The following TSHZ2 variants were observed in gnomAD, a reference collection of about 807,000 sequenced individuals.
The protein encoded by TSHZ2 is teashirt homolog 2.
In TSHZ2, 21 loss-of-function variants were observed where a neutral mutation model predicts 74.4. The observed-to-expected ratio is 0.28, with a 90% CI of 0.20 to 0.41. The LOEUF is 0.41. Among genes scored for constraint, TSHZ2 ranks in the 10% least tolerant of loss-of-function variants. The pLI is 1.00. For synonymous variants in TSHZ2, 540 were observed against 515.3 expected (o/e 1.05, Z -0.65); for missense variants, 1,244 against 1,293.5 (o/e 0.96, Z 0.59).
At chr20:53,054,445 T>C (rs1984574695) in intron 1 of TSHZ2, among the ~76,000 whole-genome samples, 1 of 152,248 alleles carries the variant, frequency 6.6e-6, no homozygotes, top group South Asian at 2.1e-4. Flanking sequence ...GGAAGGTAGC[T>C]TGTGCTATGA....
chr20:53,437,344 G>A (rs1390267502), intron 2 of TSHZ2, among the ~76,000 whole-genome samples: 2 of 152,106 alleles, frequency 1.3e-5, no homozygotes, highest in African/African-American at 2.4e-5. Context: ...ATGGTGGCAG[G>A]TGCCTGTGAT....
intron 2 of TSHZ2, among the ~76,000 whole-genome samples, chr20:53,260,147 G>A (rs992285727): frequency 6.6e-5 from 10 of 151,602 alleles, no homozygotes; most frequent in African/African-American, 2.2e-4. Flanking sequence ...ACTATGCACC[G>A]GACTCTATTA....
Position 53,321,697 on chromosome 20 carries a change from A to AAAAAAAAAAAG in TSHZ2, c.*8+65129_*8+65130insAAAAAAAGAAA, listed in dbSNP as rs1555850300. On this transcript the variant is annotated intron_variant, in intron 2 of 2. Transcript: ENST00000371497. ...AGACTCCATCTCAAAAAAAAAAAAA[A>AAAAAAAAAAAG]AAAGAAAGACATTCCTAAGCCAGCA... Among the ~76,000 whole-genome samples the AAAAAAAAAAAG allele has an allele frequency of 2.8e-4, 40 of 140,542 alleles. 1 individual carries two copies. The highest frequency in any genetic ancestry group is 6.1e-4 in the African/African-American group (22 of 36,086). 92.2% of individuals were successfully genotyped at this position (140,542 alleles called of 152,430 possible). A position where few individuals can be genotyped will look rare whatever the true frequency, so the allele number is the denominator to read the frequency against.
chr20:53,008,691 A>G (rs1176516738), intron 1 of TSHZ2, among the ~76,000 whole-genome samples: 1 of 152,142 alleles, frequency 6.6e-6, no homozygotes, highest in African/African-American at 2.4e-5. Flanking sequence ...GGAATTTTAG[A>G]GGAAAAGTAG....
chr20:53,235,005 G>T (rs758268083), intron 1 of TSHZ2, among the ~76,000 whole-genome samples: 4 of 151,912 alleles, frequency 2.6e-5, no homozygotes, highest in Non-Finnish European at 5.9e-5. Context: ...GGCATGAGAG[G>T]TGCCCAGTTG....
At chr20:53,354,639 GA>G (rs1356904095) in intron 2 of TSHZ2, among the ~76,000 whole-genome samples, 2 of 152,138 alleles carry the variant, frequency 1.3e-5, no homozygotes, top group Non-Finnish European at 2.9e-5. Flanking sequence ...TAGTCACAGA[GA>G]AATTCCGAGA....
intron 1 of TSHZ2, among the ~76,000 whole-genome samples, chr20:53,231,150 C>T (rs995802591): frequency 4.6e-5 from 7 of 152,170 alleles, no homozygotes; most frequent in African/African-American, 7.2e-5. Flanking sequence ...CAAATGCCTT[C>T]AGCCCTAGAC....
chr20:53,011,974 G>A (rs1464252596), intron 1 of TSHZ2, among the ~76,000 whole-genome samples: 1 of 152,128 alleles, frequency 6.6e-6, no homozygotes, highest in African/African-American at 2.4e-5. Context: ...ATGAGAAAAG[G>A]GAAGCACAGA....
At chr20:53,251,232 T>G (rs532680578) in intron 1 of TSHZ2, among the ~76,000 whole-genome samples, 2 of 152,322 alleles carry the variant, frequency 1.3e-5, no homozygotes, top group South Asian at 4.1e-4. Context: ...TGACCCAGCG[T>G]ATGTTCCAGA....
intron 1 of TSHZ2, among the ~76,000 whole-genome samples, chr20:53,073,923 T>C (rs1600677170): frequency 6.6e-6 from 1 of 152,238 alleles, no homozygotes; most frequent in Admixed American, 6.5e-5. Context: ...ACAGATTTGT[T>C]TCAGGATTTC....
At chr20:53,262,191 AAC>A (rs1393465415) in intron 2 of TSHZ2, among the ~76,000 whole-genome samples, 2 of 151,956 alleles carry the variant, frequency 1.3e-5, no homozygotes, top group South Asian at 2.1e-4. Context: ...CATAATGATA[AAC>A]AGTTTTCCTT....
At position 53,426,935 on chromosome 20, in the gene TSHZ2, T is replaced by C. The variant is rs531943417; in HGVS notation, c.*9-60209T>C. Among the ~76,000 whole-genome samples the C allele has an allele frequency of 2.6e-5, 4 of 152,338 alleles. No individual in the cohort carries two copies. The South Asian group carries it at 8.3e-4, about 32-fold the overall frequency. On this transcript the variant is annotated intron_variant, in intron 2 of 2. Coordinates refer to ENST00000371497, the MANE Select transcript of TSHZ2 (RefSeq NM_173485.6). The stretch of plus-strand genomic sequence containing the variant: ...TTATAAGAGCCCTGTGATACAGTAT[T>C]TGCATTCCTATTTAGCCGTGATTTT...
intron 1 of TSHZ2, among the ~76,000 whole-genome samples, chr20:53,192,533 G>C (rs1435874050): frequency 6.8e-6 from 1 of 146,768 alleles, no homozygotes; most frequent in African/African-American, 2.5e-5. Flanking sequence ...TTTAAGGTGA[G>C]CACAAAAGGA....
chr20:53,388,066 A>G (rs1305901093), intron 2 of TSHZ2, among the ~76,000 whole-genome samples: 1 of 151,682 alleles, frequency 6.6e-6, no homozygotes, highest in Admixed American at 6.6e-5. Flanking sequence ...AAAAAAAAAA[A>G]GGATAACTAA....
chr20:53,014,036 G>A (rs901634507), intron 1 of TSHZ2, among the ~76,000 whole-genome samples: 1 of 152,198 alleles, frequency 6.6e-6, no homozygotes, highest in Non-Finnish European at 1.5e-5. Flanking sequence ...TCAGGCTGCT[G>A]TAACAAAATA....
At chr20:53,200,966 T>C (rs147250130) in intron 1 of TSHZ2, among the ~76,000 whole-genome samples, 82 of 152,246 alleles carry the variant, frequency 5.4e-4, no homozygotes, top group African/African-American at 1.9e-3. Flanking sequence ...TAAATGAAGA[T>C]GTATTATTCA....
At chr20:53,300,617 T>G (rs1447624167) in intron 2 of TSHZ2, among the ~76,000 whole-genome samples, 1 of 152,228 alleles carries the variant, frequency 6.6e-6, no homozygotes, top group Non-Finnish European at 1.5e-5. Flanking sequence ...CATCCTTTTC[T>G]TTTAAAATGA....
intron 2 of TSHZ2, among the ~76,000 whole-genome samples, chr20:53,475,822 G>A (rs1985976019): frequency 7.3e-6 from 1 of 137,126 alleles, no homozygotes; most frequent in African/African-American, 2.9e-5. Flanking sequence ...AATGACAAAG[G>A]GGATATCACC....
intron 1 of TSHZ2, among the ~76,000 whole-genome samples, chr20:52,974,704 A>T (rs1210241695): frequency 2.0e-5 from 3 of 152,170 alleles, no homozygotes; most frequent in Non-Finnish European, 4.4e-5. Flanking sequence ...ATCTGAGGAG[A>T]GTGGGCATCC....
Sources: allele counts gnomAD v4.1 joint callset (sites outside exome capture counted in the v4.1 genomes callset), GRCh38; gene constraint gnomAD v4.1.1; transcripts MANE v1.5; gene names NCBI Gene and HGNC (gene_info 2026-07-23, HGNC 2026-07-21).